Variants in NCAM1 observed in about 807,000 individuals in gnomAD.
NCAM1 encodes neural cell adhesion molecule 1.
Under a neutral mutation model 109.8 loss-of-function variants are expected in NCAM1, and 14 were observed. That is an observed-to-expected ratio of 0.13 (90% CI 0.08 to 0.20). The LOEUF (loss-of-function observed/expected upper bound fraction) is 0.20, where lower values mean the gene tolerates loss of function less well. Among genes scored for constraint, NCAM1 ranks in the 10% least tolerant of loss-of-function variants. The pLI, the probability that NCAM1 is intolerant of heterozygous loss-of-function variation, is 1.00. For synonymous variants in NCAM1, 418 were observed against 442.9 expected (o/e 0.94, Z 0.70); for missense variants, 774 against 1,109.9 (o/e 0.70, Z 4.30).
At chr11:113,169,567 T>C (rs1458923544) in intron 1 of NCAM1, among the ~76,000 whole-genome samples, 1 of 151,940 alleles carries the variant, frequency 6.6e-6, no homozygotes, top group Non-Finnish European at 1.5e-5. Context: ...AACACATGGG[T>C]CCTGGTAAGC....
At chr11:113,088,643 T>G (rs1453584953) in intron 1 of NCAM1, among the ~76,000 whole-genome samples, 1 of 152,226 alleles carries the variant, frequency 6.6e-6, no homozygotes, top group Non-Finnish European at 1.5e-5. Context: ...TGTTCTTATT[T>G]GGGCAGTGAT....
intron 1 of NCAM1, among the ~76,000 whole-genome samples, chr11:113,193,500 G>A (rs1943751473): frequency 6.6e-6 from 1 of 152,080 alleles, no homozygotes; most frequent in Admixed American, 6.5e-5. Flanking sequence ...ACAGAAATTA[G>A]CAGGGCATGC....
At chr11:113,191,749 G>A (rs1943681423) in intron 1 of NCAM1, among the ~76,000 whole-genome samples, 1 of 136,530 alleles carries the variant, frequency 7.3e-6, no homozygotes, top group African/African-American at 2.7e-5. Flanking sequence ...ACATGTATGT[G>A]TGTATATGTG....
chr11:113,111,842 T>C (rs1250266161), intron 1 of NCAM1, among the ~76,000 whole-genome samples: 10 of 152,196 alleles, frequency 6.6e-5, no homozygotes, highest in African/African-American at 2.4e-4. Context: ...GCATTTCTGA[T>C]CAGTAATCAT....
At chr11:113,195,563 C>T (rs1483578157) in intron 1 of NCAM1, among the ~76,000 whole-genome samples, 6 of 140,494 alleles carry the variant, frequency 4.3e-5, no homozygotes, top group South Asian at 2.3e-4. Context: ...AGTGCAGTGG[C>T]GCGATCTCGG....
intron 1 of NCAM1, among the ~76,000 whole-genome samples, chr11:112,990,842 G>T (rs545222643): frequency 6.6e-6 from 1 of 152,098 alleles, no homozygotes; most frequent in Non-Finnish European, 1.5e-5. Flanking sequence ...CTATCAAAAG[G>T]TTCTCCTAGG....
In NCAM1 at chr11:113,273,674, G is replaced by A; in HGVS notation, c.2457-1593G>A. 1 of 456,208 alleles carries A rather than the reference G, an allele frequency of 2.2e-6. No homozygotes were observed. The highest frequency in any genetic ancestry group is 1.5e-5 in the South Asian group (1 of 64,550). 28.3% of individuals were successfully genotyped at this position (456,208 alleles called of 1,614,324 possible). ...TGGGCTCTCCTGCTCCCGCCGCTGG[G>A]GCCAGTGGACAAGCCCCTGAGCTTG... On this transcript the variant is annotated intron_variant, in intron 19 of 19. Transcript: ENST00000316851. This position sits in a 1 kb window ranked among gnomAD's most constrained non-coding sequence, Gnocchi z 6.0.
chr11:113,243,691 A>T (rs1280283330), intron 14 of NCAM1: 1 of 450,984 alleles, frequency 2.2e-6, no homozygotes, highest in Non-Finnish European at 4.6e-6. Flanking sequence ...GTGTTCAAGC[A>T]TCAAAGCTGT....
intron 1 of NCAM1, among the ~76,000 whole-genome samples, chr11:113,127,840 T>G (rs781826480): frequency 6.6e-6 from 1 of 152,190 alleles, no homozygotes; most frequent in Non-Finnish European, 1.5e-5. Flanking sequence ...GTGGGTTGTA[T>G]GTTGGGTATG....
intron 17 of NCAM1, chr11:113,262,740 C>A: frequency 8.0e-7 from 1 of 1,251,416 alleles, no homozygotes. Context: ...CTTCCTGTGT[C>A]TGTCGTCACA....
chr11:113,081,106 G>T (rs914494825), intron 1 of NCAM1, among the ~76,000 whole-genome samples: 2 of 152,208 alleles, frequency 1.3e-5, no homozygotes, highest in Non-Finnish European at 2.9e-5. Flanking sequence ...TCTTCCAGAA[G>T]CTAAGTGGAG....
intron 1 of NCAM1, among the ~76,000 whole-genome samples, chr11:113,118,800 A>G (rs1048213684): frequency 1.3e-5 from 2 of 152,044 alleles, no homozygotes; most frequent in African/African-American, 4.8e-5. Flanking sequence ...TGAGGCATAG[A>G]GAATGAAAAT....
chr11:113,111,816 C>T (rs1162319720), intron 1 of NCAM1, among the ~76,000 whole-genome samples: 1 of 151,982 alleles, frequency 6.6e-6, no homozygotes, highest in Non-Finnish European at 1.5e-5. Context: ...TTTTTTCACT[C>T]AAAAATGTAT....
intron 1 of NCAM1, among the ~76,000 whole-genome samples, chr11:113,160,367 T>G (rs536229501): frequency 1.3e-5 from 2 of 152,174 alleles, no homozygotes; most frequent in Non-Finnish European, 2.9e-5. Flanking sequence ...CCAGTTTCCA[T>G]GGGACTGTTC....
At chr11:113,262,340 A>G (rs1555123539) in intron 17 of NCAM1, among the ~76,000 whole-genome samples, 1 of 152,224 alleles carries the variant, frequency 6.6e-6, no homozygotes, top group Non-Finnish European at 1.5e-5. Flanking sequence ...CATCTCCACC[A>G]CTATGGGTAA....
chr11:113,022,269 A>G (rs1555076387), intron 1 of NCAM1, among the ~76,000 whole-genome samples: 1 of 152,184 alleles, frequency 6.6e-6, no homozygotes, highest in Non-Finnish European at 1.5e-5. Flanking sequence ...TCTCAGAGAT[A>G]AATGTTTTGC....
chr11:113,229,315 A>G (rs1322337844), intron 9 of NCAM1, among the ~76,000 whole-genome samples: 1 of 152,262 alleles, frequency 6.6e-6, no homozygotes, highest in Non-Finnish European at 1.5e-5. Flanking sequence ...TTATGCAGCC[A>G]AAAGACACAT....
chr11:113,013,398 G>A (rs1192696740), intron 1 of NCAM1, among the ~76,000 whole-genome samples: 1 of 134,000 alleles, frequency 7.5e-6, no homozygotes, highest in African/African-American at 2.8e-5. Context: ...TTGCACTCCT[G>A]CCTGGGCGAC....
At chr11:113,159,939 A>G (rs1394092087) in intron 1 of NCAM1, among the ~76,000 whole-genome samples, 2 of 147,122 alleles carry the variant, frequency 1.4e-5, no homozygotes, top group African/African-American at 2.5e-5. Flanking sequence ...GCTTTTAGCA[A>G]TGTGATTTGT....
Sources: allele counts gnomAD v4.1 joint callset (sites outside exome capture counted in the v4.1 genomes callset), GRCh38; gene constraint gnomAD v4.1.1; non-coding constraint Gnocchi (gnomAD v3.1); transcripts MANE v1.5; gene names NCBI Gene and HGNC (gene_info 2026-07-23, HGNC 2026-07-21).